Variants in OR56A3 observed in about 807,000 individuals in gnomAD.
The protein encoded by OR56A3 is olfactory receptor family 56 subfamily A member 3.
A neutral mutation model predicts 17.5 loss-of-function variants in OR56A3; 23 were observed. That is an observed-to-expected ratio of 1.32 (90% confidence interval 0.95 to 1.87). The LOEUF (loss-of-function observed/expected upper bound fraction) is 1.87. Ranked by LOEUF, OR56A3 falls within the 40% of genes most tolerant of loss-of-function variation. The pLI is 0.00. For missense variants in OR56A3, 366 were observed against 380.1 expected, an observed-to-expected ratio of 0.96 and a Z score of 0.31; for synonymous variants, 175 against 150.6, an observed-to-expected ratio of 1.16 and a Z score of -1.19.
chr11:6,010,935 A>T, the OR56A3 span, among the ~76,000 whole-genome samples: 1 of 151,658 alleles, frequency 6.6e-6, no homozygotes, highest in South Asian at 2.1e-4. Context: ...TGGGTGCCTT[A>T]ATTTTATCTC....
At chr11:6,005,917 A>G in the OR56A3 span, among the ~76,000 whole-genome samples, 1 of 152,236 alleles carries the variant, frequency 6.6e-6, no homozygotes, top group African/African-American at 2.4e-5. Context: ...CGAGGACACA[A>G]ACACTGAGAC....
the OR56A3 span, among the ~76,000 whole-genome samples, chr11:6,004,479 T>C: frequency 2.2e-4 from 33 of 152,226 alleles, no homozygotes; most frequent in Non-Finnish European, 4.9e-4. Flanking sequence ...CATGAGAAGA[T>C]ATTAGAAGAC....
In OR56A3 at chr11:5,948,201, T is replaced by C. The variant is rs1847886073; in HGVS notation, c.855T>C (p.His285=). The change falls in exon 3 of 3, where the codon CAT becomes CAC. Residue 285 remains histidine, a synonymous_variant. Coordinates refer to ENST00000641160, the MANE Select transcript of OR56A3 (RefSeq NM_001003443.3). ...DVPVLLNVLH[H]VIPAALNPII... is the part of the protein sequence containing the mutation. ...CAGTCTTGCTCAATGTTCTCCACCA[T>C]GTCATTCCTGCAGCCCTTAACCCCA... The C allele has an allele frequency of 1.2e-6, 2 of 1,614,100 alleles. No homozygotes were observed. Among genetic ancestry groups the C allele is most frequent in the African/African-American group, 1.3e-5 (1 of 74,938 alleles).
chr11:5,954,710 C>G (rs1354154531), downstream of OR56A3, among the ~76,000 whole-genome samples: 4 of 151,930 alleles, frequency 2.6e-5, no homozygotes, highest in African/African-American at 9.7e-5. Flanking sequence ...TCACTTCAAC[C>G]AGAAAGAAAT....
chr11:6,013,328 G>T, the OR56A3 span, among the ~76,000 whole-genome samples: 1 of 152,210 alleles, frequency 6.6e-6, no homozygotes, highest in Non-Finnish European at 1.5e-5. Flanking sequence ...GATCCTGATG[G>T]TCAAGGGCAG....
intron 2 of OR56A3, among the ~76,000 whole-genome samples, chr11:5,946,933 G>T (rs1847873418): frequency 6.6e-6 from 1 of 152,148 alleles, no homozygotes; most frequent in South Asian, 2.1e-4. Context: ...TAGTCAACTT[G>T]TAGATATGGT....
the OR56A3 span, among the ~76,000 whole-genome samples, chr11:5,995,491 G>T: frequency 2.0e-5 from 3 of 152,110 alleles, no homozygotes; most frequent in South Asian, 4.1e-4. Flanking sequence ...AGTTGGACAG[G>T]ATACAGGAAC....
the OR56A3 span, among the ~76,000 whole-genome samples, chr11:6,006,055 T>C: frequency 6.6e-6 from 1 of 151,724 alleles, no homozygotes; most frequent in Non-Finnish European, 1.5e-5. Context: ...GAAGAAAGAG[T>C]AATTTTGAGG....
At chr11:5,969,518 A>G in the OR56A3 span, among the ~76,000 whole-genome samples, 1 of 152,148 alleles carries the variant, frequency 6.6e-6, no homozygotes, top group African/African-American at 2.4e-5. Context: ...CTGAATGGCA[A>G]TCCTTGACCT....
chr11:5,956,726 T>C, the OR56A3 span, among the ~76,000 whole-genome samples: 3 of 152,144 alleles, frequency 2.0e-5, no homozygotes, highest in Admixed American at 1.3e-4. Flanking sequence ...GGTCAAAAGA[T>C]ACAAAGATGT....
In OR56A3 at chr11:5,945,093, A is replaced by T. The variant is rs900137187; in HGVS notation, c.-37+11A>T. On this transcript the variant is annotated intron_variant, in intron 2 of 2. Transcript: ENST00000641160. ...AACCTCTTCCAAAAAGTATGTTTCC[A>T]TCAGTAGGAAAATATCATACAGTTT... 1.3e-5 allele frequency: 2 copies of T among 152,230 alleles called. No homozygotes were observed. Among genetic ancestry groups the T allele is most frequent in the Non-Finnish European group, 2.9e-5 (2 of 68,044 alleles). The allele number at this position is 152,230 out of a possible 1,614,324, so 9.4% of individuals were successfully genotyped here.
chr11:5,990,093 C>T, the OR56A3 span, among the ~76,000 whole-genome samples: 1 of 152,204 alleles, frequency 6.6e-6, no homozygotes, highest in Admixed American at 6.5e-5. Flanking sequence ...ACCTCACACT[C>T]TAAGCCAGGC....
At position 5,951,251 on chromosome 11, in the gene OR56A3, A is replaced by G. The variant is rs1368050258; in HGVS notation, c.*2957A>G. The G allele has an allele frequency of 1.3e-5, 2 of 152,162 alleles. No homozygotes were observed. Among genetic ancestry groups the G allele is most frequent in the Admixed American group, 6.5e-5 (1 of 15,276 alleles). The allele number at this position is 152,162 out of a possible 1,614,324, so 9.4% of individuals were successfully genotyped here. ...CTCATAACAAGTAAGGAATATTAGC[A>G]TTAGAGTAATCGACAGACATTAATA... On this transcript the variant is annotated 3_prime_UTR_variant, in exon 3 of 3. Coordinates refer to ENST00000641160, the MANE Select transcript of OR56A3 (RefSeq NM_001003443.3).
the OR56A3 span, among the ~76,000 whole-genome samples, chr11:6,009,217 A>C: frequency 1.3e-5 from 2 of 152,080 alleles, no homozygotes; most frequent in Non-Finnish European, 2.9e-5. Context: ...TCTGCCGTTG[A>C]TTTTTCTTTC....
the OR56A3 span, among the ~76,000 whole-genome samples, chr11:5,964,721 A>G: frequency 2.0e-5 from 3 of 152,188 alleles, no homozygotes; most frequent in African/African-American, 7.2e-5. Flanking sequence ...ACGGGTTTCT[A>G]TCTGGCACTG....
chr11:6,010,487 G>A, the OR56A3 span, among the ~76,000 whole-genome samples: 201 of 152,270 alleles, frequency 1.3e-3, 1 homozygote, highest in South Asian at 5.8e-3. Context: ...AAACTAGCTA[G>A]GTCGTTTTTG....
At chr11:6,016,656 G>A in the OR56A3 span, among the ~76,000 whole-genome samples, 1 of 151,836 alleles carries the variant, frequency 6.6e-6, no homozygotes, top group Non-Finnish European at 1.5e-5. Flanking sequence ...TACAGCAACA[G>A]ATTCCAATGA....
At chr11:6,000,868 A>G in the OR56A3 span, 1 of 152,222 alleles carries the variant, frequency 6.6e-6, no homozygotes, top group Non-Finnish European at 1.5e-5. Context: ...AACATATTAA[A>G]CATTTTAAAC....
At chr11:5,955,290 T>C (rs1278322438), downstream of OR56A3, among the ~76,000 whole-genome samples, 2 of 152,170 alleles carry the variant, frequency 1.3e-5, no homozygotes, top group Non-Finnish European at 2.9e-5. Flanking sequence ...AGCTTGTAAC[T>C]TATGATTTTC....
Sources: allele counts gnomAD v4.1 joint callset (sites outside exome capture counted in the v4.1 genomes callset), GRCh38; gene constraint gnomAD v4.1.1; transcripts MANE v1.5; gene names NCBI Gene and HGNC (gene_info 2026-07-23, HGNC 2026-07-21).